The following CCDC88C variants were observed in gnomAD, a reference collection of about 807,000 sequenced individuals.
CCDC88C encodes coiled-coil and HOOK domain protein 88C, also known as protein Daple.
A neutral mutation model predicts 198.8 loss-of-function variants in CCDC88C; 131 were observed. The observed-to-expected ratio is 0.66, with a 90% CI of 0.57 to 0.76. The LOEUF (loss-of-function observed/expected upper bound fraction) is 0.76, where lower values mean the gene tolerates loss of function less well. CCDC88C is among the 30% of genes least tolerant of loss of function. The pLI is 0.00. For missense variants in CCDC88C, 2,553 were observed against 2,631.6 expected (o/e 0.97, Z 0.65); for synonymous variants, 1,166 against 1,114.7 (o/e 1.05, Z -0.92).
Position 91,273,365 on chromosome 14 carries a change from G to A in CCDC88C, c.5347C>T (p.Arg1783Trp), listed in dbSNP as rs1185901702. The change falls in exon 30 of 30, where the codon CGG (arginine) becomes TGG (tryptophan). Residue 1783 changes from arginine (R) to tryptophan (W), a missense_variant. By Grantham distance (101) the Arg-to-Trp change is moderately radical (BLOSUM62 -3). This residue lies in a region of CCDC88C where 1,293 missense variants were observed against 1,219.6 expected (regional missense o/e 1.06). Transcript: ENST00000389857. The surrounding 1 kb of genome is among the most constrained non-coding windows in gnomAD (Gnocchi z 5.6). Reference protein sequence around the residue: ...PPQSLSLGRPRQAPVPPASHA... With the variant: ...PPQSLSLGRPWQAPVPPASHA... ...GAAGCTGGGGGCACCGGAGCCTGCC[G>A]GGGTCTGCCCAGAGACAGGCTCTGG... 1.9e-5 allele frequency: 29 copies of A among 1,534,702 alleles called. No homozygotes were observed. Among genetic ancestry groups the A allele is most frequent in the Non-Finnish European group, 2.3e-5 (26 of 1,139,380 alleles).
chr14:91,303,988 G>C lies in CCDC88C; in HGVS notation c.3358-10C>G. ...GCGTGGAGTTCTCCACCTGCCGAGA[G>C]GGAGAAGCGCGGCGTGGCGCAGGCC... is the stretch of plus-strand genomic sequence containing the variant. On this transcript the variant is annotated splice_polypyrimidine_tract_variant and intron_variant, in intron 19 of 29. Transcript: ENST00000389857. 9.4e-6 allele frequency: 15 copies of C among 1,594,734 alleles called. No homozygotes were observed. Among genetic ancestry groups the C allele is most frequent in the Non-Finnish European group, 1.3e-5 (15 of 1,172,558 alleles).
intron 3 of CCDC88C, among the ~76,000 whole-genome samples, chr14:91,365,873 C>T (rs1381322749): frequency 2.0e-5 from 3 of 152,098 alleles, no homozygotes; most frequent in African/African-American, 4.8e-5. Context: ...TATGGCCACT[C>T]ATCCCATTTA....
intron 10 of CCDC88C, among the ~76,000 whole-genome samples, chr14:91,331,560 A>G (rs983773874): frequency 3.9e-5 from 6 of 151,906 alleles, no homozygotes; most frequent in African/African-American, 1.4e-4. Flanking sequence ...GGAGAGAGAA[A>G]GACAGACACA....
intron 3 of CCDC88C, among the ~76,000 whole-genome samples, chr14:91,382,513 A>AT (rs1183083337): frequency 6.6e-6 from 1 of 152,232 alleles, no homozygotes; most frequent in Non-Finnish European, 1.5e-5. Context: ...AAGCTGTTCC[A>AT]TCTCCAGCTC....
chr14:91,326,195 C>T lies in CCDC88C; in HGVS notation c.1051-139G>A. 3 of 705,620 alleles carry T rather than the reference C, an allele frequency of 4.3e-6. No individual in the cohort carries two copies. In the South Asian group the frequency reaches 6.1e-5, roughly 14 times the overall value. 43.7% of individuals were successfully genotyped at this position (705,620 alleles called of 1,614,324 possible). On this transcript the variant is annotated intron_variant, in intron 10 of 29. Transcript: ENST00000389857. ...GGGAAGTCCGAGGCAGGAAGTTTTT[C>T]CTCTACTTTTTTTTTTATCATCTTC...
At chr14:91,277,567 T>C (rs78894000) in intron 29 of CCDC88C, among the ~76,000 whole-genome samples, 2,345 of 152,296 alleles carry the variant, frequency 0.015, 35 homozygotes, top group Middle Eastern at 0.024. Flanking sequence ...CCTTGAAAGT[T>C]TGCCAATCCC....
chr14:91,354,700 C>T (rs1420562611), intron 4 of CCDC88C, among the ~76,000 whole-genome samples: 1 of 152,026 alleles, frequency 6.6e-6, no homozygotes, highest in African/African-American at 2.4e-5. Flanking sequence ...AAAGGTGGGC[C>T]CCCTGCATGG....
intron 3 of CCDC88C, among the ~76,000 whole-genome samples, chr14:91,387,577 T>C (rs144010664): frequency 6.6e-6 from 1 of 152,328 alleles, no homozygotes; most frequent in Non-Finnish European, 1.5e-5. Flanking sequence ...TCTTGCCTGC[T>C]GGGTTAGGCC....
At chr14:91,409,098 G>A (rs1317465518) in intron 2 of CCDC88C, among the ~76,000 whole-genome samples, 2 of 151,710 alleles carry the variant, frequency 1.3e-5, no homozygotes, top group East Asian at 1.9e-4. Context: ...AACCAACCCA[G>A]CCAAATATAT....
At chr14:91,360,068 TATG>T (rs1555425193) in intron 3 of CCDC88C, among the ~76,000 whole-genome samples, 1 of 152,180 alleles carries the variant, frequency 6.6e-6, no homozygotes, top group Non-Finnish European at 1.5e-5. Context: ...AGGACAGCAG[TATG>T]ATGTTTCTTT....
intron 4 of CCDC88C, among the ~76,000 whole-genome samples, chr14:91,356,223 G>A (rs1027777290): frequency 6.6e-6 from 1 of 152,186 alleles, no homozygotes. Flanking sequence ...TCCTGCTGGT[G>A]GATGTCCGCT....
chr14:91,366,153 T>TACACACAC (rs57281083), intron 3 of CCDC88C, among the ~76,000 whole-genome samples: 2,245 of 136,446 alleles, frequency 0.016, 48 homozygotes, highest in Non-Finnish European at 0.021. Flanking sequence ...ACTTAAAAAA[T>TACACACAC]ACACACACAC....
Position 91,313,209 on chromosome 14 carries a change from G to T in CCDC88C, c.2607C>A (p.Ser869Arg). Reference protein sequence around the residue: ...TAKLSAVEKESRALDKELARC... With the variant: ...TAKLSAVEKERRALDKELARC... ...GGGCCAGCTCCTTGTCCAGCGCGCG[G>T]CTCTCCTTCTCAACGGCGGACAGTT... Residue 869 changes from serine to arginine, a missense_variant, in exon 15 of 30, where the codon AGC becomes AGA. Ser to Arg is a moderately radical substitution (Grantham distance 110). Around this residue, in one of 2 missense-constraint regions of CCDC88C, gnomAD observed 1,260 missense variants for 1,412.0 expected, o/e 0.89. Coordinates refer to ENST00000389857, the MANE Select transcript of CCDC88C (RefSeq NM_001080414.4). The surrounding 1 kb of genome is among the most constrained non-coding windows in gnomAD (Gnocchi z 5.2). 1.2e-6 allele frequency: 2 copies of T among 1,613,858 alleles called. No homozygotes were observed. Among genetic ancestry groups the T allele is most frequent in the Non-Finnish European group, 1.7e-6 (2 of 1,179,898 alleles).
Position 91,278,889 on chromosome 14 carries a change from C to CTTTTTTTTTT in CCDC88C, c.4768+339_4768+348dup, listed in dbSNP as rs10671669. Among the ~76,000 whole-genome samples the CTTTTTTTTTT allele has an allele frequency of 7.3e-5, 4 of 54,504 alleles. 2 individuals carry two copies. Among genetic ancestry groups the CTTTTTTTTTT allele is most frequent in the African/African-American group, 1.5e-4 (2 of 13,070 alleles). 35.8% of individuals were successfully genotyped at this position (54,504 alleles called of 152,430 possible). A position where few individuals can be genotyped will look rare whatever the true frequency, so the allele number is the denominator to read the frequency against. On this transcript the variant is annotated intron_variant, in intron 28 of 29. Transcript: ENST00000389857. ...CCCCAGAGCCAAACCACCAAATACA[C>CTTTTTTTTTT]TTTTTTTTTTTTTTTTTTTTTTTTT...
intron 15 of CCDC88C, among the ~76,000 whole-genome samples, chr14:91,310,778 G>A (rs763814820): frequency 7.2e-5 from 11 of 152,152 alleles, no homozygotes; most frequent in East Asian, 3.8e-4. Context: ...CCCAGTTTAC[G>A]TCAGCACCTC....
chr14:91,325,904 C>T lies in CCDC88C; in HGVS notation c.1197+6G>A, dbSNP rs1006628318. The stretch of plus-strand genomic sequence containing the variant: ...TTCAATGTAGTAACAACACAGCCTG[C>T]AGTACCAATTCCAGGTCGTGAAGCT... On this transcript the variant is annotated splice_donor_region_variant and intron_variant, in intron 11 of 29. Coordinates refer to ENST00000389857, the MANE Select transcript of CCDC88C (RefSeq NM_001080414.4). The surrounding 1 kb of genome is among the most constrained non-coding windows in gnomAD (Gnocchi z 4.1). The T allele has an allele frequency of 2.6e-6, 4 of 1,550,872 alleles. No homozygotes were observed. Among genetic ancestry groups the T allele is most frequent in the Admixed American group, 2.0e-5 (1 of 50,930 alleles).
At chr14:91,404,768 C>A (rs1055994972) in intron 3 of CCDC88C, among the ~76,000 whole-genome samples, 3 of 152,002 alleles carry the variant, frequency 2.0e-5, no homozygotes, top group Non-Finnish European at 4.4e-5. Context: ...TCGAGACCAT[C>A]CTGGCTAACA....
chr14:91,393,310 C>A (rs1309617015), intron 3 of CCDC88C, among the ~76,000 whole-genome samples: 2 of 152,270 alleles, frequency 1.3e-5, no homozygotes, highest in East Asian at 3.9e-4. Context: ...CTATTCTGTC[C>A]GCAAGTAGGA....
chr14:91,327,955 G>A (rs1350826263), intron 10 of CCDC88C, among the ~76,000 whole-genome samples: 1 of 152,216 alleles, frequency 6.6e-6, no homozygotes, highest in African/African-American at 2.4e-5. Context: ...CCCAAGTCAG[G>A]CTTCTGGGCT....
Sources: allele counts gnomAD v4.1 joint callset (sites outside exome capture counted in the v4.1 genomes callset), GRCh38; gene constraint gnomAD v4.1.1; regional missense constraint gnomAD v4.1.1; non-coding constraint Gnocchi (gnomAD v3.1); transcripts MANE v1.5; gene names NCBI Gene and HGNC (gene_info 2026-07-23, HGNC 2026-07-21).